KCNIP4: variants seen among roughly 807,000 people sequenced by gnomAD.
KCNIP4 encodes Kv channel-interacting protein 4.
A neutral mutation model predicts 34.0 loss-of-function variants in KCNIP4; 12 were observed. The observed-to-expected ratio is 0.35, with a 90% CI of 0.23 to 0.57. The LOEUF (loss-of-function observed/expected upper bound fraction) is 0.57, where lower values mean the gene tolerates loss of function less well. KCNIP4 is among the 20% of genes least tolerant of loss of function. The pLI, the probability that KCNIP4 is intolerant of heterozygous loss-of-function variation, is 0.83. For missense variants in KCNIP4, 238 were observed against 311.7 expected (o/e 0.76, Z 1.78); for synonymous variants, 124 against 102.2 (o/e 1.21, Z -1.29).
intron 1 of KCNIP4, among the ~76,000 whole-genome samples, chr4:21,077,176 T>C (rs554670949): frequency 7.2e-4 from 109 of 151,840 alleles, no homozygotes; most frequent in Non-Finnish European, 1.4e-3. Flanking sequence ...TTAAAAAAAG[T>C]ATTGAGGTTT....
Position 20,910,310 on chromosome 4 carries a change from A to G in KCNIP4, c.62-27601T>C, listed in dbSNP as rs557893925. ...GTGTGTGTGTGTGTGTGTATCTGTT[A>G]CTTGAAGGGGAGGAAGCTTTTAATA... On this transcript the variant is annotated intron_variant, in intron 1 of 8. Coordinates refer to ENST00000382152, the MANE Select transcript of KCNIP4 (RefSeq NM_025221.6). Among the ~76,000 whole-genome samples the G allele has an allele frequency of 1.9e-3, 289 of 151,572 alleles. 1 individual carries two copies. Among genetic ancestry groups the G allele is most frequent in the African/African-American group, 6.7e-3 (278 of 41,276 alleles).
At chr4:21,068,486 C>T (rs535709237) in intron 1 of KCNIP4, among the ~76,000 whole-genome samples, 2 of 152,280 alleles carry the variant, frequency 1.3e-5, no homozygotes, top group South Asian at 2.1e-4. Flanking sequence ...TCTCTTCACT[C>T]ATGAATTTCC....
chr4:21,231,311 C>T (rs1758773561), intron 1 of KCNIP4, among the ~76,000 whole-genome samples: 1 of 152,102 alleles, frequency 6.6e-6, no homozygotes, highest in Admixed American at 6.6e-5. Flanking sequence ...ATTGTTTTAT[C>T]ACATTTTCCA....
chr4:21,572,193 C>T (rs1740413720), intron 1 of KCNIP4, among the ~76,000 whole-genome samples: 2 of 152,088 alleles, frequency 1.3e-5, no homozygotes, highest in African/African-American at 4.8e-5. Context: ...AAAGAGACTG[C>T]TACTTGTCAA....
At chr4:21,012,033 G>T (rs944836327) in intron 1 of KCNIP4, among the ~76,000 whole-genome samples, 1 of 152,168 alleles carries the variant, frequency 6.6e-6, no homozygotes, top group Non-Finnish European at 1.5e-5. Context: ...ATAAGAATGT[G>T]CTAAGCTAAT....
At chr4:21,155,730 G>T (rs1189982381) in intron 1 of KCNIP4, among the ~76,000 whole-genome samples, 1 of 152,142 alleles carries the variant, frequency 6.6e-6, no homozygotes, top group Non-Finnish European at 1.5e-5. Context: ...GAAAGAAAAA[G>T]TTGATTCTGA....
chr4:21,865,673 G>A (rs570299592), intron 1 of KCNIP4, among the ~76,000 whole-genome samples: 53 of 151,986 alleles, frequency 3.5e-4, no homozygotes, highest in African/African-American at 1.2e-3. Flanking sequence ...CTCTGGAGTC[G>A]CTGGGATTAC....
At chr4:20,743,931 A>C (rs939777475) in intron 5 of KCNIP4, among the ~76,000 whole-genome samples, 12 of 150,128 alleles carry the variant, frequency 8.0e-5, no homozygotes, top group Non-Finnish European at 1.2e-4. Context: ...AAAAAAAAAA[A>C]CCCTTCAAAA....
chr4:21,100,941 G>A (rs73245231), intron 1 of KCNIP4, among the ~76,000 whole-genome samples: 8,147 of 152,192 alleles, frequency 0.054, 320 homozygotes, highest in Non-Finnish European at 0.079. Flanking sequence ...AAGAATCTGT[G>A]TATTTATTGA....
At chr4:20,810,500 A>G (rs904112720) in intron 3 of KCNIP4, among the ~76,000 whole-genome samples, 1 of 151,958 alleles carries the variant, frequency 6.6e-6, no homozygotes, top group Non-Finnish European at 1.5e-5. Context: ...ACCAACTGAG[A>G]CTAAAGCTAT....
At chr4:21,601,303 G>A (rs1827593) in intron 1 of KCNIP4, among the ~76,000 whole-genome samples, 129,906 of 152,008 alleles carry the variant, frequency 0.85, 55,643 homozygotes, top group East Asian at 0.99. Context: ...CAATTAAAAA[G>A]TGCATTTATA....
At chr4:21,244,003 T>C (rs1760027348) in intron 1 of KCNIP4, among the ~76,000 whole-genome samples, 1 of 152,186 alleles carries the variant, frequency 6.6e-6, no homozygotes, top group Non-Finnish European at 1.5e-5. Flanking sequence ...GATAAATTGC[T>C]AGTGAGGCAA....
intron 1 of KCNIP4, among the ~76,000 whole-genome samples, chr4:21,186,315 C>G (rs906150311): frequency 3.3e-5 from 5 of 152,180 alleles, no homozygotes; most frequent in African/African-American, 1.2e-4. Context: ...ACACATCTGG[C>G]AACACCTACA....
At chr4:21,798,536 AAG>A (rs1290795720) in intron 1 of KCNIP4, among the ~76,000 whole-genome samples, 3 of 134,502 alleles carry the variant, frequency 2.2e-5, no homozygotes, top group South Asian at 2.4e-4. Flanking sequence ...AAAAAAAGGA[AAG>A]AGAGAGAGAG....
intron 1 of KCNIP4, among the ~76,000 whole-genome samples, chr4:21,230,532 G>T (rs768583666): frequency 6.6e-6 from 1 of 151,928 alleles, no homozygotes; most frequent in Non-Finnish European, 1.5e-5. Flanking sequence ...TCAGGGGAGT[G>T]GGGGAAGGGA....
intron 1 of KCNIP4, among the ~76,000 whole-genome samples, chr4:21,239,784 A>G (rs1759661422): frequency 6.6e-6 from 1 of 152,154 alleles, no homozygotes; most frequent in South Asian, 2.1e-4. Flanking sequence ...TGGGACTGTA[A>G]ACTAGTTCAA....
intron 1 of KCNIP4, among the ~76,000 whole-genome samples, chr4:21,194,571 G>A (rs186705464): frequency 3.2e-4 from 49 of 152,222 alleles, no homozygotes; most frequent in Non-Finnish European, 1.0e-4. Context: ...TTGTCCATAG[G>A]TGTGGTCATA....
chr4:21,626,870 T>A (rs2134751), intron 1 of KCNIP4, among the ~76,000 whole-genome samples: 82,952 of 151,784 alleles, frequency 0.55, 23,221 homozygotes, highest in African/African-American at 0.66. Flanking sequence ...GTTCCATTTT[T>A]TTTTTCCCCA....
intron 1 of KCNIP4, among the ~76,000 whole-genome samples, chr4:21,216,270 G>T (rs1757571951): frequency 6.6e-6 from 1 of 152,190 alleles, no homozygotes; most frequent in Non-Finnish European, 1.5e-5. Context: ...TAGCTTAATA[G>T]CAAGCACCTG....
Sources: allele counts gnomAD v4.1 joint callset (sites outside exome capture counted in the v4.1 genomes callset), GRCh38; gene constraint gnomAD v4.1.1; transcripts MANE v1.5; gene names NCBI Gene and HGNC (gene_info 2026-07-23, HGNC 2026-07-21).